The following SCHIP1 variants were observed in gnomAD, a reference collection of about 807,000 sequenced individuals.
SCHIP1 encodes the protein schwannomin-interacting protein 1.
In SCHIP1, 8 loss-of-function variants were observed where a neutral mutation model predicts 29.7. The ratio of observed to expected loss-of-function variants is 0.27; its 90% CI spans 0.16 to 0.49. SCHIP1 has a LOEUF of 0.49. SCHIP1 is among the 20% of genes least tolerant of loss of function. The probability of loss-of-function intolerance (pLI) is 0.99; values close to 1 mark genes in which losing one functional copy is unlikely to be tolerated. For missense variants in SCHIP1, 193 were observed against 294.6 expected (o/e 0.66, Z 2.52); for synonymous variants, 76 against 94.9 (o/e 0.80, Z 1.16).
At chr3:159,476,750 T>C in the SCHIP1 span, among the ~76,000 whole-genome samples, 1 of 152,310 alleles carries the variant, frequency 6.6e-6, no homozygotes, top group East Asian at 1.9e-4. Context: ...GTACATACAA[T>C]GTGGAATAAA....
At chr3:159,347,734 G>T in the SCHIP1 span, among the ~76,000 whole-genome samples, 2 of 152,104 alleles carry the variant, frequency 1.3e-5, no homozygotes, top group Non-Finnish European at 2.9e-5. Flanking sequence ...AAGCTTTGGG[G>T]TCTATAATTT....
chr3:159,775,134 G>C, the SCHIP1 span, among the ~76,000 whole-genome samples: 1 of 152,178 alleles, frequency 6.6e-6, no homozygotes, highest in African/African-American at 2.4e-5. Flanking sequence ...ATCAATTCAA[G>C]AGGGTTTTAT....
At chr3:159,367,323 C>G in the SCHIP1 span, among the ~76,000 whole-genome samples, 2 of 151,166 alleles carry the variant, frequency 1.3e-5, no homozygotes, top group Non-Finnish European at 2.9e-5. Flanking sequence ...ACCGGGGAGG[C>G]AGAGGTTGCC....
chr3:159,485,219 G>C, the SCHIP1 span, among the ~76,000 whole-genome samples: 2 of 152,274 alleles, frequency 1.3e-5, no homozygotes, highest in Admixed American at 6.5e-5. Context: ...AGGAGAGGAT[G>C]AGACAAGCTC....
chr3:159,845,106 G>A (rs1711604264), intron 1 of SCHIP1, among the ~76,000 whole-genome samples: 3 of 152,076 alleles, frequency 2.0e-5, no homozygotes, highest in African/African-American at 4.8e-5. Flanking sequence ...AATGCTTCTC[G>A]CTCCAGACCC....
At chr3:159,534,518 C>T in the SCHIP1 span, among the ~76,000 whole-genome samples, 38 of 152,106 alleles carry the variant, frequency 2.5e-4, no homozygotes, top group Non-Finnish European at 4.7e-4. Context: ...GATGGAGCCT[C>T]TGCCATCTTC....
At chr3:159,659,114 AC>A in the SCHIP1 span, among the ~76,000 whole-genome samples, 1 of 152,228 alleles carries the variant, frequency 6.6e-6, no homozygotes, top group African/African-American at 2.4e-5. Flanking sequence ...CATAGTACAT[AC>A]TTGAAAATAT....
the SCHIP1 span, among the ~76,000 whole-genome samples, chr3:159,351,267 C>A: frequency 6.6e-6 from 1 of 152,070 alleles, no homozygotes; most frequent in South Asian, 2.1e-4. Flanking sequence ...ATCAGCTGTG[C>A]AGGTATGAAT....
At chr3:159,670,925 T>A in the SCHIP1 span, among the ~76,000 whole-genome samples, 50 of 152,204 alleles carry the variant, frequency 3.3e-4, no homozygotes, top group African/African-American at 1.2e-3. Context: ...AGTTATATAA[T>A]TTGCAAAGCC....
chr3:159,866,620 C>T (rs1201440891), intron 2 of SCHIP1, among the ~76,000 whole-genome samples: 1 of 152,062 alleles, frequency 6.6e-6, no homozygotes, highest in African/African-American at 2.4e-5. Flanking sequence ...TGGCAGACTA[C>T]CAAATTTCCC....
chr3:159,505,498 G>C, the SCHIP1 span, among the ~76,000 whole-genome samples: 1 of 152,264 alleles, frequency 6.6e-6, no homozygotes, highest in African/African-American at 2.4e-5. Context: ...TATACTTTAA[G>C]TTCTAGGGTA....
chr3:159,431,382 A>G, the SCHIP1 span, among the ~76,000 whole-genome samples: 1 of 152,220 alleles, frequency 6.6e-6, no homozygotes, highest in Middle Eastern at 3.4e-3. Flanking sequence ...GAGGGGAAAA[A>G]AAAAGGCAGA....
At chr3:159,796,711 A>T in the SCHIP1 span, among the ~76,000 whole-genome samples, 32 of 84,182 alleles carry the variant, frequency 3.8e-4, no homozygotes, top group Admixed American at 1.8e-3. Flanking sequence ...CAAAGTACTG[A>T]CCTATTAAAT....
At chr3:159,815,937 C>CTATTTATTTATT in the SCHIP1 span, among the ~76,000 whole-genome samples, 63,139 of 147,258 alleles carry the variant, frequency 0.43, 14,124 homozygotes, top group East Asian at 0.73. Context: ...GCCTCTGGTC[C>CTATTTATTTATT]TATTTATTTA....
At chr3:159,586,030 T>G in the SCHIP1 span, among the ~76,000 whole-genome samples, 1 of 152,092 alleles carries the variant, frequency 6.6e-6, no homozygotes, top group Non-Finnish European at 1.5e-5. Context: ...CATTCAGCTC[T>G]AAGATAACTA....
At chr3:159,493,506 G>A in the SCHIP1 span, among the ~76,000 whole-genome samples, 1 of 151,896 alleles carries the variant, frequency 6.6e-6, no homozygotes, top group Non-Finnish European at 1.5e-5. Flanking sequence ...AGACAAAGAA[G>A]GCCATTACAT....
At chr3:159,392,481 G>T in the SCHIP1 span, among the ~76,000 whole-genome samples, 7 of 137,902 alleles carry the variant, frequency 5.1e-5, no homozygotes, top group South Asian at 9.3e-4. Flanking sequence ...CCCACAACAG[G>T]CCCCAGAGTG....
chr3:159,745,094 A>G, the SCHIP1 span, among the ~76,000 whole-genome samples: 6 of 152,164 alleles, frequency 3.9e-5, no homozygotes, highest in Non-Finnish European at 8.8e-5. Context: ...GTGTATGTCT[A>G]TAACAGGCCT....
At chr3:159,860,308 C>G (rs929850906) in intron 1 of SCHIP1, among the ~76,000 whole-genome samples, 2 of 152,186 alleles carry the variant, frequency 1.3e-5, no homozygotes, top group African/African-American at 4.8e-5. Context: ...CAGTCAAGTC[C>G]TGTGAGGCTT....
Sources: allele counts gnomAD v4.1 joint callset (sites outside exome capture counted in the v4.1 genomes callset), GRCh38; gene constraint gnomAD v4.1.1; transcripts MANE v1.5; gene names NCBI Gene and HGNC (gene_info 2026-07-23, HGNC 2026-07-21).